Variants in MVK observed in about 807,000 individuals in gnomAD.
MVK encodes the protein mevalonate kinase.
MVK carries 34 observed loss-of-function variants against 43.2 expected under a neutral mutation model. That is an observed-to-expected ratio of 0.79 (90% CI 0.60 to 1.05). MVK has a LOEUF of 1.05. Ranked by LOEUF, MVK falls within the 50% of genes least tolerant of loss-of-function variation. The pLI, the probability that MVK is intolerant of heterozygous loss-of-function variation, is 0.00. For synonymous variants in MVK, 190 were observed against 219.8 expected, an observed-to-expected ratio of 0.86 and a Z score of 1.20; for missense variants, 395 against 504.0, an observed-to-expected ratio of 0.78 and a Z score of 2.07.
Position 109,576,089 on chromosome 12 carries a change from G to T in MVK, c.170G>T (p.Gly57Val). Residue 57 changes from glycine (G) to valine (V), a missense_variant, in exon 3 of 11, where the codon GGT (glycine) becomes GTT (valine). Physicochemically the swap from Gly to Val is moderately radical, Grantham distance 109. Transcript: ENST00000228510. ...GKVDLSLPNI[G>V]IKRAWDVARL... ...GTGGACCTCAGCTTACCCAACATTGGTATCAAGCGGGCCTGGGATGTGGCC... is the reference window on the plus strand; with the variant it reads ...GTGGACCTCAGCTTACCCAACATTGTTATCAAGCGGGCCTGGGATGTGGCC... The T allele has an allele frequency of 6.2e-7, 1 of 1,614,158 alleles. No individual in the cohort carries two copies. The highest frequency in any genetic ancestry group is 1.1e-5 in the South Asian group (1 of 91,078).
At chr12:109,581,128 G>A (rs1885196449) in intron 4 of MVK, among the ~76,000 whole-genome samples, 1 of 152,214 alleles carries the variant, frequency 6.6e-6, no homozygotes, top group South Asian at 2.1e-4. Context: ...GTGGGAGAAA[G>A]GGGTTGACAG....
At chr12:109,586,587 C>A (rs1046338622) in intron 6 of MVK, among the ~76,000 whole-genome samples, 167 bp from the exon 7 acceptor site, 1 of 152,204 alleles carries the variant, frequency 6.6e-6, no homozygotes, top group Admixed American at 6.5e-5. Context: ...GCTTCGGGGA[C>A]CTTTTGCCCT....
rs745941736 is a variant in MVK, at chr12:109,595,009, A to T, written c.886-19A>T. ...CCTCAGGCAGGCCAAGTGGGAACAG[A>T]TGGAACCTTCTCCCCTAGGAGCTCA... On this transcript the variant is annotated intron_variant, in intron 9 of 10. Transcript: ENST00000228510. The surrounding 1 kb of genome is among the most constrained non-coding windows in gnomAD (Gnocchi z 5.9). 6 of 1,614,098 alleles carry T rather than the reference A, an allele frequency of 3.7e-6. No individual in the cohort carries two copies. The highest frequency in any genetic ancestry group is 5.1e-6 in the Non-Finnish European group (6 of 1,180,028).
intron 8 of MVK, 102 bp from the exon 9 acceptor site, chr12:109,591,139 G>C (rs573351434): frequency 1.7e-6 from 2 of 1,170,066 alleles, no homozygotes; most frequent in Non-Finnish European, 2.6e-6. Flanking sequence ...GGATGGGCAC[G>C]GGCTGTGTGA....
rs912095013 is a variant in MVK, at chr12:109,597,937, C to G, written c.*1360C>G. On this transcript the variant is annotated 3_prime_UTR_variant, in exon 11 of 11. Transcript: ENST00000228510. ...TCCTGCAGGGTGAGAGGAGCAGGAGCCGAGCTCCACCCCCACGCCAGCCTT... is the reference window on the plus strand; with the variant it reads ...TCCTGCAGGGTGAGAGGAGCAGGAGGCGAGCTCCACCCCCACGCCAGCCTT... 1 of 152,200 alleles carries G rather than the reference C, an allele frequency of 6.6e-6. No homozygotes were observed. The highest frequency in any genetic ancestry group is 1.5e-5 in the Non-Finnish European group (1 of 68,068). 9.4% of individuals were successfully genotyped at this position (152,200 alleles called of 1,614,324 possible). A position where few individuals can be genotyped will look rare whatever the true frequency, so the allele number is the denominator to read the frequency against.
intron 3 of MVK, 99 bp from the exon 4 acceptor site, chr12:109,579,703 T>C: frequency 6.6e-7 from 1 of 1,512,064 alleles, no homozygotes; most frequent in Non-Finnish European, 9.2e-7. Context: ...CCATCCATGT[T>C]CCAATTCCAG....
intron 5 of MVK, among the ~76,000 whole-genome samples, chr12:109,583,915 T>TTG (rs1885333486): frequency 6.6e-6 from 1 of 152,224 alleles, no homozygotes; most frequent in African/African-American, 2.4e-5. Context: ...AGGAGCTTAG[T>TTG]CACAGGCACA....
chr12:109,591,700 T>C (rs1593028288), intron 9 of MVK, among the ~76,000 whole-genome samples: 1 of 152,242 alleles, frequency 6.6e-6, no homozygotes, highest in African/African-American at 2.4e-5. Flanking sequence ...GCTCTGTCGG[T>C]GCAGGGGTGA....
intron 1 of MVK, among the ~76,000 whole-genome samples, chr12:109,574,340 G>A (rs1884822675): frequency 6.6e-6 from 1 of 152,194 alleles, no homozygotes; most frequent in Admixed American, 6.5e-5. Flanking sequence ...CCAGCAAAGA[G>A]TTCTTTCTGC....
chr12:109,583,255 C>A (rs572184916), intron 5 of MVK, among the ~76,000 whole-genome samples: 1 of 152,172 alleles, frequency 6.6e-6, no homozygotes, highest in East Asian at 1.9e-4. Flanking sequence ...CCTCTCCCCC[C>A]ATCCCACCAC....
chr12:109,573,625 G>A (rs921511404), upstream of MVK: 2 of 983,922 alleles, frequency 2.0e-6, no homozygotes, highest in Non-Finnish European at 1.5e-6. Context: ...CACTCCCAGG[G>A]ACTTGTTTCC....
rs1885874806 is a variant in MVK, at chr12:109,595,362, T to C, written c.1039+181T>C. The stretch of plus-strand genomic sequence containing the variant: ...CATTGGTAAAATAAGGATGAGAGTA[T>C]CTAGCTTGCAAGATCGTTGCCCAGA... On this transcript the variant is annotated intron_variant, in intron 10 of 10. Coordinates refer to ENST00000228510, the MANE Select transcript of MVK (RefSeq NM_000431.4). This position sits in a 1 kb window ranked among gnomAD's most constrained non-coding sequence, Gnocchi z 5.9. Among the ~76,000 whole-genome samples the C allele has an allele frequency of 6.6e-6, 1 of 152,130 alleles. No homozygotes were observed. The highest frequency in any genetic ancestry group is 1.5e-5 in the Non-Finnish European group (1 of 68,000).
chr12:109,576,113 C>T lies in MVK; in HGVS notation c.194C>T (p.Ala65Val). ...GGTATCAAGCGGGCCTGGGATGTGGCCAGGCTTCAGTCACTGGACACAAGC... is the reference window on the plus strand; with the variant it reads ...GGTATCAAGCGGGCCTGGGATGTGGTCAGGCTTCAGTCACTGGACACAAGC... ...NIGIKRAWDVARLQSLDTSFL... is the reference protein window; with the variant it reads ...NIGIKRAWDVVRLQSLDTSFL... Residue 65 changes from alanine to valine, a missense_variant, in exon 3 of 11, where the codon GCC becomes GTC. Coordinates refer to ENST00000228510, the MANE Select transcript of MVK (RefSeq NM_000431.4). The T allele has an allele frequency of 1.2e-6, 2 of 1,614,162 alleles. No individual in the cohort carries two copies. Among genetic ancestry groups the T allele is most frequent in the Non-Finnish European group, 1.7e-6 (2 of 1,180,024 alleles).
At chr12:109,586,288 C>A (rs2136237385) in intron 6 of MVK, among the ~76,000 whole-genome samples, 163 bp downstream of exon 6, 2 of 152,266 alleles carry the variant, frequency 1.3e-5, no homozygotes, top group Admixed American at 1.3e-4. Flanking sequence ...AATCTTGGGG[C>A]CCTGTCTCAC....
intron 7 of MVK, chr12:109,589,354 G>A (rs1285676094): frequency 1.3e-5 from 2 of 152,226 alleles, no homozygotes; most frequent in Non-Finnish European, 2.9e-5. Flanking sequence ...GGGGTGCCAC[G>A]GGAGCAGATG....
chr12:109,591,205 C>G (rs755883542), intron 8 of MVK, 36 bp from the exon 9 acceptor site: 3 of 1,599,164 alleles, frequency 1.9e-6, no homozygotes, highest in Non-Finnish European at 1.7e-6. Context: ...TGCCTGCCCC[C>G]AGGCCTCACC....
chr12:109,573,457 G>C, upstream of MVK: 1 of 1,606,504 alleles, frequency 6.2e-7, no homozygotes, highest in Middle Eastern at 1.7e-4. Context: ...GGCCAAGACG[G>C]CTCCCCAGGC....
intron 7 of MVK, chr12:109,589,797 C>T (rs1401840222): frequency 2.6e-5 from 4 of 152,292 alleles, no homozygotes; most frequent in East Asian, 1.9e-4. Flanking sequence ...CCCCACCTTC[C>T]ATCCCAGCCT....
rs104895308 is a variant in MVK at position 109,595,118 on chromosome 12, G to A, written c.976G>A (p.Gly326Arg). 3 of 1,614,168 alleles carry A rather than the reference G, an allele frequency of 1.9e-6. No homozygotes were observed. Among genetic ancestry groups the A allele is most frequent in the Non-Finnish European group, 2.5e-6 (3 of 1,180,028 alleles). ...GCTCTGCCAGGTGACCAGGGCCCGC[G>A]GACTTCACAGCAAGCTGACTGGCGC... ...DQLCQVTRAR[G>R]LHSKLTGAGG... is the part of the protein sequence containing the mutation. The change falls in exon 10 of 11, where the codon GGA becomes AGA. Residue 326 changes from glycine (G) to arginine (R), a missense_variant. Physicochemically the swap from Gly to Arg is moderately radical, Grantham distance 125 (BLOSUM62 -2). Coordinates refer to ENST00000228510, the MANE Select transcript of MVK (RefSeq NM_000431.4). The surrounding 1 kb of genome is among the most constrained non-coding windows in gnomAD (Gnocchi z 5.9).
Sources: allele counts gnomAD v4.1 joint callset (sites outside exome capture counted in the v4.1 genomes callset), GRCh38; gene constraint gnomAD v4.1.1; non-coding constraint Gnocchi (gnomAD v3.1); transcripts MANE v1.5; gene names NCBI Gene and HGNC (gene_info 2026-07-23, HGNC 2026-07-21).